Variants in COX7B2 observed in about 807,000 individuals in gnomAD.
COX7B2 encodes cytochrome c oxidase subunit 7B2, mitochondrial.
For synonymous variants in COX7B2, 37 were observed against 32.1 expected (o/e 1.15, Z -0.51); for missense variants, 109 against 95.9 (o/e 1.14, Z -0.57).
At chr4:46,740,371 ATTT>A (rs1324054443) in intron 2 of COX7B2, among the ~76,000 whole-genome samples, 1 of 152,070 alleles carries the variant, frequency 6.6e-6, no homozygotes, top group Non-Finnish European at 1.5e-5. Context: ...AGTTTGTTTC[ATTT>A]TTTATTTGAA....
chr4:46,867,334 T>C (rs936283145), intron 1 of COX7B2, among the ~76,000 whole-genome samples: 4 of 152,092 alleles, frequency 2.6e-5, no homozygotes, highest in Non-Finnish European at 5.9e-5. Context: ...AAAAATAAGG[T>C]AGGAGACCAG....
At chr4:46,781,532 C>T (rs908332899) in intron 2 of COX7B2, among the ~76,000 whole-genome samples, 7 of 152,344 alleles carry the variant, frequency 4.6e-5, no homozygotes, top group South Asian at 2.1e-4. Context: ...TAGCAGCCCT[C>T]GCTTGCTCTC....
intron 1 of COX7B2, among the ~76,000 whole-genome samples, chr4:46,855,799 A>G (rs1430003806): frequency 6.6e-6 from 1 of 152,204 alleles, no homozygotes; most frequent in Non-Finnish European, 1.5e-5. Context: ...ATTTAAATAC[A>G]TGAAACGAGA....
chr4:46,738,551 A>G (rs1714508887), intron 2 of COX7B2, among the ~76,000 whole-genome samples: 1 of 152,058 alleles, frequency 6.6e-6, no homozygotes, highest in Admixed American at 6.6e-5. Context: ...TTATCTTTAT[A>G]AAATACATGT....
intron 1 of COX7B2, among the ~76,000 whole-genome samples, chr4:46,902,043 A>G (rs1470880007): frequency 6.6e-6 from 1 of 152,278 alleles, no homozygotes; most frequent in Non-Finnish European, 1.5e-5. Flanking sequence ...TCCTATATCT[A>G]TCTCTATATA....
At chr4:46,846,410 A>G (rs1011839169) in intron 1 of COX7B2, among the ~76,000 whole-genome samples, 2 of 152,018 alleles carry the variant, frequency 1.3e-5, no homozygotes, top group African/African-American at 4.8e-5. Context: ...GGAGAGCAGT[A>G]TAAAGGACAC....
At chr4:46,749,996 C>A (rs10032643) in intron 2 of COX7B2, among the ~76,000 whole-genome samples, 49,745 of 151,924 alleles carry the variant, frequency 0.33, 8,406 homozygotes, top group South Asian at 0.47. Context: ...CCAAAGGACA[C>A]AGAGTAAGGA....
chr4:46,791,288 C>T (rs1718033753), intron 2 of COX7B2, among the ~76,000 whole-genome samples: 1 of 152,062 alleles, frequency 6.6e-6, no homozygotes, highest in East Asian at 1.9e-4. Flanking sequence ...GGATTACAGG[C>T]GTGAGCCACC....
rs377628023 is a variant in COX7B2 at position 46,822,389 on chromosome 4, A to T, written c.-50+22571T>A. Reference sequence around the variant, plus strand: ...GAAAAACTTGAGGAGATAAAAAAAAAAATAATATAGAGAGGATCCAGGTGA... The same window carrying T: ...GAAAAACTTGAGGAGATAAAAAAAATAATAATATAGAGAGGATCCAGGTGA... On this transcript the variant is annotated intron_variant, in intron 2 of 2. Transcript: ENST00000355591. Among the ~76,000 whole-genome samples, 431 of 152,180 alleles carry T rather than the reference A, an allele frequency of 2.8e-3. 3 individuals carry two copies. Among genetic ancestry groups the T allele is most frequent in the African/African-American group, 6.9e-3 (286 of 41,536 alleles).
At chr4:46,883,409 T>C (rs1718872847) in intron 1 of COX7B2, among the ~76,000 whole-genome samples, 1 of 152,122 alleles carries the variant, frequency 6.6e-6, no homozygotes, top group South Asian at 2.1e-4. Context: ...CACTAGTATT[T>C]TCTGAAAAAT....
At chr4:46,755,041 A>G (rs1560355981) in intron 2 of COX7B2, among the ~76,000 whole-genome samples, 1 of 151,792 alleles carries the variant, frequency 6.6e-6, no homozygotes, top group African/African-American at 2.4e-5. Flanking sequence ...AATCCTCAAC[A>G]CAATACTAGC....
chr4:46,899,321 A>G (rs1166181578), intron 1 of COX7B2, among the ~76,000 whole-genome samples: 1 of 152,210 alleles, frequency 6.6e-6, no homozygotes, highest in African/African-American at 2.4e-5. Flanking sequence ...AAATAAAAAG[A>G]ATGTGAAACC....
chr4:46,748,539 C>T (rs1334891961), intron 2 of COX7B2, among the ~76,000 whole-genome samples: 1 of 152,160 alleles, frequency 6.6e-6, no homozygotes, highest in Non-Finnish European at 1.5e-5. Context: ...CCTGAACTTC[C>T]AGTCACTCTT....
chr4:46,785,906 C>T (rs1717731960), intron 2 of COX7B2, among the ~76,000 whole-genome samples: 1 of 152,068 alleles, frequency 6.6e-6, no homozygotes, highest in South Asian at 2.1e-4. Context: ...GAAAAAAAAT[C>T]CATCTTTCTA....
chr4:46,857,699 G>T (rs1717081956), intron 1 of COX7B2, among the ~76,000 whole-genome samples: 1 of 152,172 alleles, frequency 6.6e-6, no homozygotes, highest in Admixed American at 6.5e-5. Flanking sequence ...AAGGCAAGTA[G>T]AATTCCCCAG....
chr4:46,833,855 G>A (rs1715331314), intron 2 of COX7B2, among the ~76,000 whole-genome samples: 1 of 152,176 alleles, frequency 6.6e-6, no homozygotes, highest in African/African-American at 2.4e-5. Context: ...TGGGTTGACA[G>A]AAATGTTGTT....
At chr4:46,748,959 G>T (rs1022343031) in intron 2 of COX7B2, among the ~76,000 whole-genome samples, 1 of 152,092 alleles carries the variant, frequency 6.6e-6, no homozygotes, top group African/African-American at 2.4e-5. Context: ...TACTTCCAGA[G>T]AAATACAGTA....
At chr4:46,905,371 A>T (rs967773288) in intron 1 of COX7B2, among the ~76,000 whole-genome samples, 1 of 152,226 alleles carries the variant, frequency 6.6e-6, no homozygotes, top group Non-Finnish European at 1.5e-5. Flanking sequence ...ACCCTAAAAG[A>T]GTTATCCCAA....
At chr4:46,881,464 T>C (rs758936273) in intron 1 of COX7B2, among the ~76,000 whole-genome samples, 5 of 152,144 alleles carry the variant, frequency 3.3e-5, no homozygotes, top group Admixed American at 6.5e-5. Flanking sequence ...GGGGTGACTT[T>C]GAATAAAATG....
Sources: allele counts gnomAD v4.1 joint callset (sites outside exome capture counted in the v4.1 genomes callset), GRCh38; gene constraint gnomAD v4.1.1; transcripts MANE v1.5; gene names NCBI Gene and HGNC (gene_info 2026-07-23, HGNC 2026-07-21).